NRXN3: variants seen among roughly 807,000 people sequenced by gnomAD.
NRXN3 encodes neurexin 3, also known as neurexin III.
A neutral mutation model predicts 137.6 loss-of-function variants in NRXN3; 32 were observed. That is an observed-to-expected ratio of 0.23 (90% CI 0.18 to 0.31). The LOEUF (loss-of-function observed/expected upper bound fraction) is 0.31. Among genes scored for constraint, NRXN3 ranks in the 10% least tolerant of loss-of-function variants. The probability of loss-of-function intolerance (pLI) is 1.00; values close to 1 mark genes in which losing one functional copy is unlikely to be tolerated. For synonymous variants in NRXN3, 798 were observed against 784.5 expected (o/e 1.02, Z -0.29); for missense variants, 1,574 against 2,062.5 (o/e 0.76, Z 4.59).
At chr14:79,681,916 T>C (rs1228400094) in intron 17 of NRXN3, among the ~76,000 whole-genome samples, 1 of 152,154 alleles carries the variant, frequency 6.6e-6, no homozygotes, top group African/African-American at 2.4e-5. Context: ...AGGACATGGC[T>C]TTTTGAAATT....
chr14:79,251,778 C>T (rs900446212), intron 15 of NRXN3, among the ~76,000 whole-genome samples: 2 of 151,802 alleles, frequency 1.3e-5, no homozygotes. Context: ...TGCACTATTA[C>T]CCCCATTTTT....
Position 79,817,146 on chromosome 14 carries a change from G to A in NRXN3, c.4093+11956G>A, listed in dbSNP as rs553076550. 5.9e-5 allele frequency among the ~76,000 whole-genome samples: 9 copies of A among 152,132 alleles called. No homozygotes were observed. The South Asian group carries it at 8.3e-4, about 14-fold the overall frequency. ...CAGCTCACTACAACCTCCACCTCCC[G>A]GATTCAAGCAATTCTCCTGCCTCAG... is the stretch of plus-strand genomic sequence containing the variant. On this transcript the variant is annotated intron_variant, in intron 20 of 20. Coordinates refer to ENST00000335750, the MANE Select transcript of NRXN3 (RefSeq NM_001330195.2).
In NRXN3 at chr14:79,692,157, T is replaced by C. The variant is rs1389335759; in HGVS notation, c.3617-16T>C. On this transcript the variant is annotated splice_polypyrimidine_tract_variant and intron_variant, in intron 17 of 20. Coordinates refer to ENST00000335750, the MANE Select transcript of NRXN3 (RefSeq NM_001330195.2). ...CTTTTCAGATTGTTCTTTAAGCTGT[T>C]TTTTAAACTTTAAAGGCAACACTGA... is the stretch of plus-strand genomic sequence containing the variant. 6.3e-7 allele frequency: 1 copy of C among 1,575,304 alleles called. No homozygotes were observed. Among genetic ancestry groups the C allele is most frequent in the Non-Finnish European group, 8.6e-7 (1 of 1,162,004 alleles).
chr14:79,000,331 A>G (rs1314548533), intron 15 of NRXN3, among the ~76,000 whole-genome samples: 1 of 152,064 alleles, frequency 6.6e-6, no homozygotes, highest in Non-Finnish European at 1.5e-5. Flanking sequence ...TGATTTTTCT[A>G]TCCAAATACC....
intron 4 of NRXN3, among the ~76,000 whole-genome samples, chr14:78,540,652 C>T (rs1347101352): frequency 6.6e-6 from 1 of 152,104 alleles, no homozygotes; most frequent in African/African-American, 2.4e-5. Context: ...GAATTTGATT[C>T]TGTCATTATG....
chr14:79,259,709 TAC>T (rs71131688), intron 15 of NRXN3, among the ~76,000 whole-genome samples: 6,068 of 139,676 alleles, frequency 0.043, 192 homozygotes, highest in East Asian at 0.14. Flanking sequence ...TATAGTTTTA[TAC>T]ACACACACAC....
At chr14:79,856,569 A>G (rs1374966546) in intron 20 of NRXN3, among the ~76,000 whole-genome samples, 3 of 151,496 alleles carry the variant, frequency 2.0e-5, no homozygotes, top group Admixed American at 6.6e-5. Flanking sequence ...TCAAAACCCA[A>G]ATATCTCCAG....
chr14:78,993,172 A>T (rs1338816740), intron 15 of NRXN3, among the ~76,000 whole-genome samples: 3 of 152,086 alleles, frequency 2.0e-5, no homozygotes, highest in Non-Finnish European at 2.9e-5. Flanking sequence ...TTGGCTATTG[A>T]TTGGCCTTTT....
chr14:78,798,744 A>AGGTGGAGGCTCCCAAACCTCAGTTCTT (rs1366356887), intron 8 of NRXN3, among the ~76,000 whole-genome samples: 1 of 152,202 alleles, frequency 6.6e-6, no homozygotes, highest in African/African-American at 2.4e-5. Context: ...TCTGAAATCT[A>AGGTGGAGGCTCCCAAACCTCAGTTCTT]GGTGGAGGCT....
At chr14:78,409,343 G>C (rs1394714064) in intron 4 of NRXN3, among the ~76,000 whole-genome samples, 1 of 152,192 alleles carries the variant, frequency 6.6e-6, no homozygotes, top group East Asian at 1.9e-4. Context: ...CTGGGACACT[G>C]TCTTGTTAAG....
chr14:79,167,687 AT>A (rs1380322426), intron 15 of NRXN3, among the ~76,000 whole-genome samples: 1 of 149,388 alleles, frequency 6.7e-6, no homozygotes, highest in Non-Finnish European at 1.5e-5. Context: ...CTGCTACTTT[AT>A]TTTTTATGCC....
At chr14:78,358,491 G>A (rs1371011056) in intron 4 of NRXN3, among the ~76,000 whole-genome samples, 1 of 152,160 alleles carries the variant, frequency 6.6e-6, no homozygotes, top group African/African-American at 2.4e-5. Flanking sequence ...TTCTGAGCGG[G>A]CTGGTATAAC....
At chr14:79,251,327 A>G (rs191485122) in intron 15 of NRXN3, among the ~76,000 whole-genome samples, 5 of 152,294 alleles carry the variant, frequency 3.3e-5, no homozygotes, top group Admixed American at 6.5e-5. Flanking sequence ...AATGGGAAAC[A>G]GGGGCCGAGC....
chr14:78,785,959 T>G (rs565199867), intron 8 of NRXN3, among the ~76,000 whole-genome samples: 1 of 152,182 alleles, frequency 6.6e-6, no homozygotes, highest in Non-Finnish European at 1.5e-5. Flanking sequence ...AAATCTGAAA[T>G]ATGCTGTTTA....
At chr14:79,603,999 T>C (rs1011508172) in intron 16 of NRXN3, among the ~76,000 whole-genome samples, 1 of 152,134 alleles carries the variant, frequency 6.6e-6, no homozygotes, top group Non-Finnish European at 1.5e-5. Context: ...GCGATTCTCC[T>C]GCCTCAGCCT....
intron 4 of NRXN3, among the ~76,000 whole-genome samples, chr14:78,330,807 T>G (rs2080725068): frequency 1.3e-5 from 2 of 152,200 alleles, no homozygotes; most frequent in Non-Finnish European, 2.9e-5. Context: ...TATACACTTA[T>G]GTAATTGATA....
intron 15 of NRXN3, among the ~76,000 whole-genome samples, chr14:79,283,340 T>C (rs1302805630): frequency 6.6e-6 from 1 of 152,198 alleles, no homozygotes; most frequent in East Asian, 1.9e-4. Context: ...GCTCTTCCCT[T>C]GCCCATTTCC....
At chr14:78,875,902 C>G (rs2099112912) in intron 10 of NRXN3, among the ~76,000 whole-genome samples, 1 of 151,866 alleles carries the variant, frequency 6.6e-6, no homozygotes. Flanking sequence ...TAAGGAACAA[C>G]TGAGAACAAC....
intron 19 of NRXN3, among the ~76,000 whole-genome samples, chr14:79,725,891 T>C (rs1227176560): frequency 6.6e-6 from 1 of 152,150 alleles, no homozygotes; most frequent in Non-Finnish European, 1.5e-5. Flanking sequence ...GTGTACTTTT[T>C]GCAACATGGG....
Sources: gnomAD v4.1 joint callset for allele counts (sites outside exome capture counted in the v4.1 genomes callset) on GRCh38, gnomAD v4.1.1 for gene constraint, MANE v1.5 for transcripts, NCBI Gene and HGNC (gene_info 2026-07-23, HGNC 2026-07-21) for gene names.